DCPH1: variants seen among roughly 807,000 people sequenced by gnomAD.
DCPH1 encodes the protein damage-control phosphatase 1.
chr6:151,458,536 AC>A, the DCPH1 span: 6 of 1,612,036 alleles, frequency 3.7e-6, no homozygotes, highest in African/African-American at 8.0e-5. Flanking sequence ...GTAGAATGTT[AC>A]ATGTATCGAA....
chr6:151,459,141 A>C, the DCPH1 span, among the ~76,000 whole-genome samples: 10 of 152,334 alleles, frequency 6.6e-5, no homozygotes, highest in Admixed American at 1.3e-4. Flanking sequence ...TGTCTCAATA[A>C]AATAGATAAA....
the DCPH1 span, among the ~76,000 whole-genome samples, chr6:151,464,068 A>G: frequency 6.6e-6 from 1 of 152,160 alleles, no homozygotes; most frequent in Non-Finnish European, 1.5e-5. Flanking sequence ...TTTATATTCT[A>G]TACATTTGTT....
the DCPH1 span, among the ~76,000 whole-genome samples, chr6:151,462,814 C>T: frequency 2.6e-5 from 4 of 152,018 alleles, no homozygotes; most frequent in African/African-American, 9.7e-5. Context: ...CTCTTAAATA[C>T]GAAAATAAGG....
chr6:151,469,177 G>A, the DCPH1 span: 39 of 1,398,724 alleles, frequency 2.8e-5, no homozygotes, highest in Non-Finnish European at 3.7e-5. Flanking sequence ...CAGAAAAGGA[G>A]CACGTGAATT....
chr6:151,455,751 G>A, the DCPH1 span, among the ~76,000 whole-genome samples: 1 of 152,178 alleles, frequency 6.6e-6, no homozygotes, highest in Admixed American at 6.5e-5. Context: ...CCTCAGCACA[G>A]ACCCTTTACG....
the DCPH1 span, chr6:151,468,774 C>T: frequency 6.2e-7 from 1 of 1,614,154 alleles, no homozygotes; most frequent in South Asian, 1.1e-5. Flanking sequence ...AATGGGTTTA[C>T]CACAATCATA....
the DCPH1 span, among the ~76,000 whole-genome samples, chr6:151,465,878 C>A: frequency 6.6e-6 from 1 of 152,148 alleles, no homozygotes; most frequent in African/African-American, 2.4e-5. Flanking sequence ...AGCAAAGTCA[C>A]AAATAAAGGC....
the DCPH1 span, chr6:151,468,552 A>G: frequency 1.9e-6 from 3 of 1,613,958 alleles, no homozygotes; most frequent in African/African-American, 2.7e-5. Context: ...ATAATTCTGG[A>G]TTTGAGCTTG....
At chr6:151,453,541 T>C in the DCPH1 span, among the ~76,000 whole-genome samples, 1 of 152,222 alleles carries the variant, frequency 6.6e-6, no homozygotes. Flanking sequence ...TTTTGGGTGG[T>C]ACTGAAAGCA....
the DCPH1 span, chr6:151,464,495 G>A: frequency 2.5e-6 from 4 of 1,609,960 alleles, no homozygotes; most frequent in Admixed American, 5.1e-5. Flanking sequence ...AATCAAAAGA[G>A]CAAAATTTCT....
chr6:151,459,105 G>A, the DCPH1 span, among the ~76,000 whole-genome samples: 2 of 152,274 alleles, frequency 1.3e-5, no homozygotes, highest in East Asian at 3.9e-4. Context: ...CCACTGCACT[G>A]CAGCCTGAGC....
the DCPH1 span, among the ~76,000 whole-genome samples, chr6:151,459,758 C>T: frequency 6.6e-6 from 1 of 152,162 alleles, no homozygotes; most frequent in African/African-American, 2.4e-5. Flanking sequence ...CCACCGCACT[C>T]CAGCCTGGGC....
At chr6:151,466,840 G>A in the DCPH1 span, among the ~76,000 whole-genome samples, 7 of 152,196 alleles carry the variant, frequency 4.6e-5, no homozygotes, top group African/African-American at 1.4e-4. Flanking sequence ...GAAGGCCATC[G>A]TGGACACCAT....
the DCPH1 span, among the ~76,000 whole-genome samples, chr6:151,458,932 G>A: frequency 6.6e-6 from 1 of 152,058 alleles, no homozygotes; most frequent in Admixed American, 6.6e-5. Flanking sequence ...GAGGTCAGGA[G>A]TTCGAGACCA....
chr6:151,466,656 G>A, the DCPH1 span, among the ~76,000 whole-genome samples: 1 of 152,192 alleles, frequency 6.6e-6, no homozygotes, highest in African/African-American at 2.4e-5. Context: ...GCCATTCTAG[G>A]TGCTGGGCAC....
chr6:151,468,565 A>G, the DCPH1 span: 51 of 1,614,004 alleles, frequency 3.2e-5, no homozygotes, highest in Non-Finnish European at 1.9e-5. Flanking sequence ...TGAGCTTGTT[A>G]CAGATTTAAT....
At chr6:151,462,507 TATAG>T in the DCPH1 span, among the ~76,000 whole-genome samples, 1 of 152,218 alleles carries the variant, frequency 6.6e-6, no homozygotes, top group African/African-American at 2.4e-5. Context: ...ACAATATAAT[TATAG>T]ATCATTCATT....
At chr6:151,469,091 A>G in the DCPH1 span, 2 of 1,611,326 alleles carry the variant, frequency 1.2e-6, no homozygotes, top group Non-Finnish European at 1.7e-6. Context: ...GGAATATTTC[A>G]GTACGATGGT....
At chr6:151,468,673 T>C in the DCPH1 span, 6 of 1,614,034 alleles carry the variant, frequency 3.7e-6, no homozygotes, top group Non-Finnish European at 5.1e-6. Flanking sequence ...TATACATGAT[T>C]TTAATTGGTT....
Sources: allele counts gnomAD v4.1 joint callset (sites outside exome capture counted in the v4.1 genomes callset), GRCh38; gene constraint gnomAD v4.1.1; transcripts MANE v1.5; gene names NCBI Gene and HGNC (gene_info 2026-07-23, HGNC 2026-07-21).